The following UGP2 variants were observed in gnomAD, a reference collection of about 807,000 sequenced individuals.
UGP2 encodes the protein UTP--glucose-1-phosphate uridylyltransferase.
In UGP2, 40 loss-of-function variants were observed where a neutral mutation model predicts 49.0. The ratio of observed to expected loss-of-function variants is 0.82; its 90% CI spans 0.63 to 1.06. The LOEUF (loss-of-function observed/expected upper bound fraction) is 1.06, where lower values mean the gene tolerates loss of function less well. Among genes scored for constraint, UGP2 ranks in the 50% least tolerant of loss-of-function variants. The pLI is 0.00. For missense variants in UGP2, 460 were observed against 603.5 expected, an observed-to-expected ratio of 0.76 and a Z score of 2.49; for synonymous variants, 225 against 213.0, an observed-to-expected ratio of 1.06 and a Z score of -0.49.
intron 3 of UGP2, among the ~76,000 whole-genome samples, chr2:63,879,603 T>C (rs1006199914): frequency 2.6e-5 from 4 of 152,232 alleles, no homozygotes; most frequent in African/African-American, 9.6e-5. Flanking sequence ...GCATACAATA[T>C]TGTTACACAC....
chr2:63,874,805 C>G (rs1414067494), intron 3 of UGP2, among the ~76,000 whole-genome samples: 2 of 151,870 alleles, frequency 1.3e-5, no homozygotes, highest in African/African-American at 2.4e-5. Context: ...TACCTCCCTC[C>G]CTTTTTTTCT....
At chr2:63,864,276 G>A (rs1270048808) in intron 3 of UGP2, among the ~76,000 whole-genome samples, 1 of 152,148 alleles carries the variant, frequency 6.6e-6, no homozygotes, top group Admixed American at 6.6e-5. Flanking sequence ...AGTCACCTAA[G>A]AGAAGGGGCC....
chr2:63,857,554 C>G lies in UGP2; in HGVS notation c.148-275C>G. On this transcript the variant is annotated intron_variant, in intron 2 of 9. Transcript: ENST00000337130. ...ATTTTTGTATTTTTTTTGTAGACAC[C>G]GGGTTTTGCCATATTGCCGAGGCTG... is the stretch of plus-strand genomic sequence containing the variant. The G allele has an allele frequency of 4.2e-6, 2 of 481,628 alleles. 1 individual carries two copies. Among genetic ancestry groups the G allele is most frequent in the Non-Finnish European group, 8.2e-6 (2 of 244,936 alleles). The allele number at this position is 481,628 out of a possible 1,614,324, so 29.8% of individuals were successfully genotyped here. A position where few individuals can be genotyped will look rare whatever the true frequency, so the allele number is the denominator to read the frequency against.
At chr2:63,878,663 C>G (rs1671087174) in intron 3 of UGP2, among the ~76,000 whole-genome samples, 2 of 152,196 alleles carry the variant, frequency 1.3e-5, no homozygotes, top group Non-Finnish European at 2.9e-5. Flanking sequence ...CAGGCTCAAG[C>G]AGTCCTCCCA....
chr2:63,864,437 C>T (rs1427678536), intron 3 of UGP2, among the ~76,000 whole-genome samples: 4 of 152,192 alleles, frequency 2.6e-5, no homozygotes. Context: ...ATAACAATAG[C>T]AACAAACATT....
At chr2:63,872,008 T>C (rs996719367) in intron 3 of UGP2, among the ~76,000 whole-genome samples, 3 of 152,252 alleles carry the variant, frequency 2.0e-5, no homozygotes, top group African/African-American at 7.2e-5. Flanking sequence ...CATGGTAGCA[T>C]GAAAATAGCC....
intron 3 of UGP2, 144 bp downstream of exon 3, chr2:63,858,080 G>A: frequency 1.4e-6 from 1 of 699,556 alleles, no homozygotes; most frequent in South Asian, 1.9e-5. Context: ...CCCTCATCCT[G>A]AAACTATGGA....
chr2:63,890,817 G>T (rs1672084074), intron 9 of UGP2, among the ~76,000 whole-genome samples: 1 of 152,010 alleles, frequency 6.6e-6, no homozygotes, highest in Admixed American at 6.6e-5. Context: ...GTTAGATAAT[G>T]CTGGTGGCCT....
At chr2:63,869,222 T>G (rs1372334347) in intron 3 of UGP2, among the ~76,000 whole-genome samples, 1 of 152,186 alleles carries the variant, frequency 6.6e-6, no homozygotes, top group African/African-American at 2.4e-5. Flanking sequence ...AGGTAATATT[T>G]TAGATAGGCT....
intron 5 of UGP2, among the ~76,000 whole-genome samples, chr2:63,884,993 CTTTTTTTT>C (rs528966512): frequency 5.6e-4 from 13 of 23,154 alleles, no homozygotes; most frequent in East Asian, 5.8e-3. Context: ...CCCATGGTTA[CTTTTTTTT>C]TTTTTTTTTT....
At chr2:63,889,294 GTT>G (rs1315711187) in intron 8 of UGP2, 2 of 151,982 alleles carry the variant, frequency 1.3e-5, no homozygotes, top group Non-Finnish European at 2.9e-5. Flanking sequence ...TAGGATTTGA[GTT>G]TTTGTTTTTT....
chr2:63,857,580 G>T, intron 2 of UGP2: 1 of 529,050 alleles, frequency 1.9e-6, no homozygotes, highest in Non-Finnish European at 3.6e-6. Flanking sequence ...GCCGAGGCTG[G>T]TCTCAAACTC....
At chr2:63,886,019 T>C in intron 6 of UGP2, 133 bp downstream of exon 6, 2 of 1,069,726 alleles carry the variant, frequency 1.9e-6, no homozygotes, top group Non-Finnish European at 2.6e-6. Flanking sequence ...CATAATAGTA[T>C]GTATCATAAA....
chr2:63,867,046 G>T (rs1383110039), intron 3 of UGP2, among the ~76,000 whole-genome samples: 1 of 152,094 alleles, frequency 6.6e-6, no homozygotes, highest in African/African-American at 2.4e-5. Flanking sequence ...TTTAATTTCT[G>T]TATATTTATG....
Position 63,891,304 on chromosome 2 carries a change from C to A in UGP2, c.*77C>A. On this transcript the variant is annotated 3_prime_UTR_variant, in exon 10 of 10. Transcript: ENST00000337130. ...ATGTTCTCTAGGATTCTAAAATAGGCAGGTACTTTACTATGTTACTGTACC... is the reference window on the plus strand; with the variant it reads ...ATGTTCTCTAGGATTCTAAAATAGGAAGGTACTTTACTATGTTACTGTACC... 1.6e-6 allele frequency: 2 copies of A among 1,273,134 alleles called. No individual in the cohort carries two copies. Among genetic ancestry groups the A allele is most frequent in the East Asian group, 2.4e-5 (1 of 42,242 alleles). 78.9% of individuals were successfully genotyped at this position (1,273,134 alleles called of 1,614,324 possible). A position where few individuals can be genotyped will look rare whatever the true frequency, so the allele number is the denominator to read the frequency against.
chr2:63,888,804 T>G (rs1319873336), intron 8 of UGP2: 1 of 152,238 alleles, frequency 6.6e-6, no homozygotes, highest in Non-Finnish European at 1.5e-5. Context: ...CTCATCAGCG[T>G]TATAACAAAG....
intron 2 of UGP2, 176 bp from the exon 3 acceptor site, chr2:63,857,653 A>G (rs1250108980): frequency 4.4e-6 from 3 of 686,334 alleles, no homozygotes; most frequent in Admixed American, 4.2e-5. Context: ...GCATGCACCA[A>G]CTACGCCCAG....
chr2:63,874,546 T>C (rs1450686285), intron 3 of UGP2, among the ~76,000 whole-genome samples: 1 of 152,140 alleles, frequency 6.6e-6, no homozygotes, highest in Non-Finnish European at 1.5e-5. Flanking sequence ...GTATGGTGTT[T>C]CATAGGTCAA....
intron 1 of UGP2, chr2:63,855,776 C>T (rs1669373909): frequency 3.0e-6 from 1 of 330,418 alleles, no homozygotes; most frequent in African/African-American, 2.2e-5. Context: ...TCCTGGGCTC[C>T]AGGGTCTACC....
Sources: gnomAD v4.1 joint callset for allele counts (sites outside exome capture counted in the v4.1 genomes callset) on GRCh38, gnomAD v4.1.1 for gene constraint, MANE v1.5 for transcripts, NCBI Gene and HGNC (gene_info 2026-07-23, HGNC 2026-07-21) for gene names.